ERBB4: variants seen among roughly 807,000 people sequenced by gnomAD.
ERBB4 encodes the protein erb-b2 receptor tyrosine kinase 4, also known as receptor tyrosine-protein kinase erbB-4.
In ERBB4, 42 loss-of-function variants were observed where a neutral mutation model predicts 158.0. The ratio of observed to expected loss-of-function variants is 0.27; its 90% CI spans 0.21 to 0.34. The LOEUF (loss-of-function observed/expected upper bound fraction) is 0.34. Among genes scored for constraint, ERBB4 ranks in the 10% least tolerant of loss-of-function variants. The probability of loss-of-function intolerance (pLI) is 1.00; values close to 1 mark genes in which losing one functional copy is unlikely to be tolerated. For synonymous variants in ERBB4, 583 were observed against 558.7 expected (o/e 1.04, Z -0.61); for missense variants, 1,333 against 1,624.1 (o/e 0.82, Z 3.08).
intron 25 of ERBB4, among the ~76,000 whole-genome samples, chr2:211,388,269 T>C (rs952761151): frequency 6.6e-6 from 1 of 152,106 alleles, no homozygotes; most frequent in African/African-American, 2.4e-5. Flanking sequence ...GAAAAGTAAA[T>C]AATAAACATT....
At chr2:212,298,484 C>T (rs2086499445) in intron 1 of ERBB4, among the ~76,000 whole-genome samples, 1 of 151,652 alleles carries the variant, frequency 6.6e-6, no homozygotes, top group Non-Finnish European at 1.5e-5. Flanking sequence ...ATAGTTTTCC[C>T]TGAGGAACTG....
chr2:212,508,121 A>AT (rs768238550), intron 1 of ERBB4, among the ~76,000 whole-genome samples: 2 of 152,188 alleles, frequency 1.3e-5, no homozygotes, highest in Non-Finnish European at 2.9e-5. Flanking sequence ...GATTGTTAGC[A>AT]TTTTTTAGCA....
intron 2 of ERBB4, among the ~76,000 whole-genome samples, chr2:211,961,093 C>A (rs535738158): frequency 6.6e-6 from 1 of 152,104 alleles, no homozygotes; most frequent in East Asian, 1.9e-4. Flanking sequence ...TGGAGCATTG[C>A]CACTCTGAAA....
chr2:211,509,814 T>C (rs2065844575), intron 20 of ERBB4, among the ~76,000 whole-genome samples: 1 of 152,050 alleles, frequency 6.6e-6, no homozygotes, highest in Admixed American at 6.5e-5. Context: ...AAAGAAGACA[T>C]ACAAGCAGCC....
At chr2:211,648,351 T>C (rs1027760273) in intron 16 of ERBB4, among the ~76,000 whole-genome samples, 4 of 151,760 alleles carry the variant, frequency 2.6e-5, no homozygotes, top group Non-Finnish European at 5.9e-5. Flanking sequence ...TAAATAATCA[T>C]GCATGTAAAT....
chr2:211,911,417 C>T (rs2079538610), intron 3 of ERBB4, among the ~76,000 whole-genome samples: 1 of 152,050 alleles, frequency 6.6e-6, no homozygotes, highest in African/African-American at 2.4e-5. Flanking sequence ...AGGTGCCTGC[C>T]ACCATGCCCA....
intron 1 of ERBB4, among the ~76,000 whole-genome samples, chr2:212,460,546 G>A (rs1688519362): frequency 6.6e-6 from 1 of 152,190 alleles, no homozygotes; most frequent in African/African-American, 2.4e-5. Flanking sequence ...TTAGCAAAGA[G>A]GCTGGCATCA....
At chr2:211,421,287 TTTTATC>T (rs1211447053) in intron 24 of ERBB4, among the ~76,000 whole-genome samples, 1 of 151,692 alleles carries the variant, frequency 6.6e-6, no homozygotes, top group Non-Finnish European at 1.5e-5. Context: ...AAAACCTAGC[TTTTATC>T]TTTATGTCAG....
chr2:212,003,173 G>GAAAGAAAAGAAAGA (rs1559292743), intron 2 of ERBB4, among the ~76,000 whole-genome samples: 1 of 35,400 alleles, frequency 2.8e-5, no homozygotes. Flanking sequence ...AAGAAAGAAA[G>GAAAGAAAAGAAAGA]AAAGAAAGAA....
At chr2:212,141,650 G>T (rs944695182) in intron 1 of ERBB4, among the ~76,000 whole-genome samples, 1 of 151,778 alleles carries the variant, frequency 6.6e-6, no homozygotes, top group Admixed American at 6.6e-5. Context: ...AATCTAGTCA[G>T]TCAACTATTC....
intron 19 of ERBB4, among the ~76,000 whole-genome samples, chr2:211,581,997 G>T (rs767057881): frequency 2.6e-5 from 4 of 151,790 alleles, no homozygotes; most frequent in African/African-American, 4.8e-5. Flanking sequence ...GTGACAGAGT[G>T]AGACTCCATC....
chr2:211,422,784 G>C (rs1210360623), intron 23 of ERBB4, among the ~76,000 whole-genome samples: 2 of 151,906 alleles, frequency 1.3e-5, no homozygotes, highest in African/African-American at 4.8e-5. Flanking sequence ...ATTAGGGAAA[G>C]TGTTTTCTTG....
intron 4 of ERBB4, among the ~76,000 whole-genome samples, chr2:211,751,328 T>C (rs2075125055): frequency 6.6e-6 from 1 of 152,184 alleles, no homozygotes; most frequent in Admixed American, 6.5e-5. Context: ...CTACCATAGG[T>C]ATTTGCCTCA....
rs540392230 is a variant in ERBB4 at position 212,284,097 on chromosome 2, G to A, written c.83-159194C>T. 7.9e-5 allele frequency among the ~76,000 whole-genome samples: 12 copies of A among 152,094 alleles called. No homozygotes were observed. In the South Asian group the frequency reaches 8.3e-4, roughly 11 times the overall value. ...TATTAAAGTCAATTATTACAAAGAA[G>A]CACTTAGACACACAATAATTTATCA... On this transcript the variant is annotated intron_variant, in intron 1 of 27. Transcript: ENST00000342788.
At chr2:212,323,870 C>T (rs2087688628) in intron 1 of ERBB4, among the ~76,000 whole-genome samples, 1 of 150,188 alleles carries the variant, frequency 6.7e-6, no homozygotes, top group Admixed American at 6.6e-5. Flanking sequence ...TTTCTGGCAC[C>T]TCTTTATTGA....
At chr2:211,641,993 A>G (rs2070612144) in intron 16 of ERBB4, among the ~76,000 whole-genome samples, 1 of 152,028 alleles carries the variant, frequency 6.6e-6, no homozygotes, top group East Asian at 1.9e-4. Flanking sequence ...AATAATTATT[A>G]TAAAGTGAAT....
At chr2:211,753,583 G>A (rs113431448) in intron 4 of ERBB4, among the ~76,000 whole-genome samples, 539 of 152,040 alleles carry the variant, frequency 3.5e-3, no homozygotes, top group Non-Finnish European at 6.1e-3. Context: ...ATGAAAGCAG[G>A]TGGAGCTAGA....
intron 1 of ERBB4, among the ~76,000 whole-genome samples, chr2:212,333,826 T>A (rs2088300824): frequency 6.6e-6 from 1 of 152,002 alleles, no homozygotes; most frequent in Non-Finnish European, 1.5e-5. Flanking sequence ...GAACTACTGA[T>A]CTTGGGTTCA....
At chr2:212,104,479 T>C (rs1376622160) in intron 2 of ERBB4, among the ~76,000 whole-genome samples, 1 of 152,104 alleles carries the variant, frequency 6.6e-6, no homozygotes, top group African/African-American at 2.4e-5. Context: ...ATAACAAAAA[T>C]ATAATACATG....
Sources: gnomAD v4.1 joint callset for allele counts (sites outside exome capture counted in the v4.1 genomes callset) on GRCh38, gnomAD v4.1.1 for gene constraint, MANE v1.5 for transcripts, NCBI Gene and HGNC (gene_info 2026-07-23, HGNC 2026-07-21) for gene names.